The following PRKCE variants were observed in gnomAD, a reference collection of about 807,000 sequenced individuals.
The protein encoded by PRKCE is protein kinase C epsilon type.
A neutral mutation model predicts 85.4 loss-of-function variants in PRKCE; 16 were observed. The ratio of observed to expected loss-of-function variants is 0.19; its 90% CI spans 0.13 to 0.28. PRKCE has a LOEUF of 0.28. Among genes scored for constraint, PRKCE ranks in the 10% least tolerant of loss-of-function variants. The probability of loss-of-function intolerance (pLI) is 1.00; values close to 1 mark genes in which losing one functional copy is unlikely to be tolerated. For missense variants in PRKCE, 573 were observed against 975.2 expected (o/e 0.59, Z 5.49); for synonymous variants, 388 against 371.5 (o/e 1.04, Z -0.51).
intron 2 of PRKCE, among the ~76,000 whole-genome samples, chr2:45,958,190 C>CAAAA (rs60711691): frequency 2.2e-3 from 240 of 109,500 alleles, no homozygotes; most frequent in East Asian, 4.7e-3. Context: ...ATTAGGCCCG[C>CAAAA]AAAAAAAAAA....
intron 1 of PRKCE, among the ~76,000 whole-genome samples, chr2:45,749,671 A>G (rs1189634934): frequency 6.6e-6 from 1 of 152,196 alleles, no homozygotes; most frequent in Non-Finnish European, 1.5e-5. Context: ...TTTTTGAAAG[A>G]ATGCTATGAA....
intron 10 of PRKCE, chr2:46,078,463 C>T (rs1338598594): frequency 1.3e-5 from 2 of 151,940 alleles, no homozygotes; most frequent in Non-Finnish European, 2.9e-5. Flanking sequence ...TCATTTGAGC[C>T]CAGGAGTTCA....
At chr2:45,841,291 G>A (rs1385515903) in intron 1 of PRKCE, among the ~76,000 whole-genome samples, 1 of 152,214 alleles carries the variant, frequency 6.6e-6, no homozygotes, top group Admixed American at 6.5e-5. Flanking sequence ...GAGCAAGGAA[G>A]CCAGTCCGTG....
At chr2:45,916,770 G>C (rs185418692) in intron 2 of PRKCE, among the ~76,000 whole-genome samples, 1 of 152,144 alleles carries the variant, frequency 6.6e-6, no homozygotes, top group African/African-American at 2.4e-5. Flanking sequence ...GAATTGGTGG[G>C]TTCTTGATCT....
At chr2:46,097,451 C>G (rs1670804520) in intron 11 of PRKCE, among the ~76,000 whole-genome samples, 1 of 145,874 alleles carries the variant, frequency 6.9e-6, no homozygotes, top group African/African-American at 2.6e-5. Flanking sequence ...ACCTGGGAGG[C>G]GGAGCTTGCA....
chr2:46,012,100 G>T (rs1705730450), intron 10 of PRKCE, among the ~76,000 whole-genome samples: 1 of 152,168 alleles, frequency 6.6e-6, no homozygotes, highest in South Asian at 2.1e-4. Flanking sequence ...TAGAGACTCA[G>T]TGATGGAGTT....
chr2:45,971,649 T>G (rs1359315624), intron 2 of PRKCE, among the ~76,000 whole-genome samples: 1 of 152,256 alleles, frequency 6.6e-6, no homozygotes, highest in Non-Finnish European at 1.5e-5. Flanking sequence ...CAATGTTTGT[T>G]GTATCATCTT....
chr2:46,096,005 G>T (rs1447368070), intron 11 of PRKCE, among the ~76,000 whole-genome samples: 2 of 152,192 alleles, frequency 1.3e-5, no homozygotes, highest in East Asian at 3.9e-4. Flanking sequence ...CCAAAAAGGA[G>T]ATGTTGCCAC....
chr2:46,012,796 A>C (rs35442838), intron 10 of PRKCE, among the ~76,000 whole-genome samples: 1 of 152,004 alleles, frequency 6.6e-6, no homozygotes, highest in African/African-American at 2.4e-5. Flanking sequence ...TTGTAGAATA[A>C]CAAGGCTAAG....
intron 14 of PRKCE, among the ~76,000 whole-genome samples, chr2:46,172,514 G>A (rs1679016664): frequency 6.6e-6 from 1 of 152,204 alleles, no homozygotes; most frequent in South Asian, 2.1e-4. Context: ...GGCGGCCCTG[G>A]GAGGGTTTGA....
At chr2:45,817,571 G>A (rs933293724) in intron 1 of PRKCE, among the ~76,000 whole-genome samples, 1 of 152,048 alleles carries the variant, frequency 6.6e-6, no homozygotes, top group African/African-American at 2.4e-5. Context: ...GTGGGCGCCT[G>A]TAGTCCCAGC....
intron 2 of PRKCE, among the ~76,000 whole-genome samples, chr2:45,919,241 A>G (rs564804315): frequency 6.6e-6 from 1 of 152,310 alleles, no homozygotes; most frequent in African/African-American, 2.4e-5. Context: ...CTGTCAAGGG[A>G]AAGAACACAG....
chr2:45,847,607 T>A (rs1691902110), intron 2 of PRKCE, among the ~76,000 whole-genome samples: 1 of 152,124 alleles, frequency 6.6e-6, no homozygotes, highest in Non-Finnish European at 1.5e-5. Flanking sequence ...GGTCAGATGA[T>A]GTGCTCCAGG....
chr2:45,652,319 G>A lies in PRKCE; in HGVS notation c.219G>A (p.Val73=), dbSNP rs757293367. 5.0e-6 allele frequency: 8 copies of A among 1,613,650 alleles called. No homozygotes were observed. Among genetic ancestry groups the A allele is most frequent in the East Asian group, 2.2e-5 (1 of 44,832 alleles). ...GGCACGACGAGTTCGTCACCGATGT[G>A]TGCAACGGACGCAAGATCGAGCTGG... ...PAWHDEFVTD[V]CNGRKIELAV... Residue 73 remains valine (V), a synonymous_variant, in exon 1 of 15, where the codon GTG becomes GTA. Transcript: ENST00000306156. This position sits in a 1 kb window ranked among gnomAD's most constrained non-coding sequence, Gnocchi z 7.7.
At chr2:46,070,642 C>A (rs1163815900) in intron 10 of PRKCE, among the ~76,000 whole-genome samples, 2 of 147,820 alleles carry the variant, frequency 1.4e-5, no homozygotes, top group Non-Finnish European at 1.5e-5. Flanking sequence ...GACTCCGTCT[C>A]AAAAAAAAAA....
chr2:46,150,499 A>T (rs576638337), intron 12 of PRKCE, among the ~76,000 whole-genome samples: 269 of 152,314 alleles, frequency 1.8e-3, no homozygotes, highest in African/African-American at 6.3e-3. Flanking sequence ...GGAGACCATT[A>T]CAGGGTGGGG....
chr2:45,773,282 G>A (rs1296466730), intron 1 of PRKCE, among the ~76,000 whole-genome samples: 1 of 152,212 alleles, frequency 6.6e-6, no homozygotes, highest in Non-Finnish European at 1.5e-5. Flanking sequence ...GGTGGCCGAG[G>A]AGACCTGGAT....
chr2:45,686,808 C>T (rs575589774), intron 1 of PRKCE, among the ~76,000 whole-genome samples: 46 of 152,118 alleles, frequency 3.0e-4, no homozygotes, highest in African/African-American at 1.1e-3. Context: ...GGAAAATTGG[C>T]GTCCAGAGCT....
At chr2:45,971,126 C>G (rs74819258) in intron 2 of PRKCE, among the ~76,000 whole-genome samples, 2,081 of 152,284 alleles carry the variant, frequency 0.014, 56 homozygotes, top group African/African-American at 0.046. Context: ...ACTTACTCAT[C>G]TTGCATAACT....
Sources: gnomAD v4.1 joint callset for allele counts (sites outside exome capture counted in the v4.1 genomes callset) on GRCh38, gnomAD v4.1.1 for gene constraint, Gnocchi (gnomAD v3.1) non-coding constraint, MANE v1.5 for transcripts, NCBI Gene and HGNC (gene_info 2026-07-23, HGNC 2026-07-21) for gene names.